CAMK2D: variants seen among roughly 807,000 people sequenced by gnomAD.
The protein encoded by CAMK2D is calcium/calmodulin dependent protein kinase II delta, also known as calcium/calmodulin-dependent protein kinase type II subunit delta.
CAMK2D carries 37 observed loss-of-function variants against 84.0 expected under a neutral mutation model. The observed-to-expected ratio is 0.44, with a 90% confidence interval of 0.34 to 0.58. CAMK2D has a LOEUF of 0.58. CAMK2D is among the 20% of genes least tolerant of loss of function. CAMK2D has a pLI of 0.02. For synonymous variants in CAMK2D, 202 were observed against 212.5 expected (o/e 0.95, Z 0.43); for missense variants, 448 against 652.5 (o/e 0.69, Z 3.41).
chr4:113,584,405 T>C (rs2098824580), intron 4 of CAMK2D, among the ~76,000 whole-genome samples: 1 of 152,200 alleles, frequency 6.6e-6, no homozygotes, highest in South Asian at 2.1e-4. Flanking sequence ...GCTTCTCTCT[T>C]CACCCCGATG....
intron 2 of CAMK2D, among the ~76,000 whole-genome samples, chr4:113,710,625 G>A (rs1470583086): frequency 6.6e-6 from 1 of 152,154 alleles, no homozygotes; most frequent in Non-Finnish European, 1.5e-5. Context: ...TTAAATTTTA[G>A]ACAAGTCTTA....
intron 4 of CAMK2D, among the ~76,000 whole-genome samples, chr4:113,555,251 A>T (rs1416935105): frequency 6.6e-6 from 1 of 152,190 alleles, no homozygotes; most frequent in African/African-American, 2.4e-5. Context: ...TGCCACATTA[A>T]CCCAAGGAAT....
At chr4:113,699,248 G>T (rs1242903606) in intron 2 of CAMK2D, among the ~76,000 whole-genome samples, 1 of 151,992 alleles carries the variant, frequency 6.6e-6, no homozygotes, top group Non-Finnish European at 1.5e-5. Flanking sequence ...ATGAAAAATG[G>T]CTACTTTGGT....
Position 113,538,272 on chromosome 4 carries a change from G to A in CAMK2D, c.415-829C>T, listed in dbSNP as rs2098506824. On this transcript the variant is annotated intron_variant, in intron 6 of 20. Coordinates refer to ENST00000511664, the MANE Select transcript of CAMK2D (RefSeq NM_001321571.2). Reference sequence around the variant, plus strand: ...GGAATAAGGCTGTGTCTATACCACTGTTTCCCAACCAATGCATCAAGACAC... The same window carrying A: ...GGAATAAGGCTGTGTCTATACCACTATTTCCCAACCAATGCATCAAGACAC... Among the ~76,000 whole-genome samples, 3 of 152,126 alleles carry A rather than the reference G, an allele frequency of 2.0e-5. No individual in the cohort carries two copies. The South Asian group carries it at 6.2e-4, about 32-fold the overall frequency.
At chr4:113,701,710 GTTGTT>G (rs1049271820) in intron 2 of CAMK2D, among the ~76,000 whole-genome samples, 5 of 151,998 alleles carry the variant, frequency 3.3e-5, no homozygotes, top group Admixed American at 2.0e-4. Context: ...TGTTGTTGTT[GTTGTT>G]TTGTTTTTTT....
chr4:113,462,276 GTGTGTGTGTGTGTGTGTGTCTGTCTGTC>G, intron 17 of CAMK2D, among the ~76,000 whole-genome samples: 1 of 66,886 alleles, frequency 1.5e-5, no homozygotes, highest in Middle Eastern at 7.8e-3. Flanking sequence ...ATGTGTGTGT[GTGTGTGTGTGTGTGTGTGTCTGTCTGTC>G]TGTCTGTCTG....
chr4:113,513,917 GA>G lies in CAMK2D; in HGVS notation c.820-5del. The stretch of plus-strand genomic sequence containing the variant: ...TGGAAGCAACAGTAGAACGTTGCTA[GA>G]AGAAGAGGAGAAAAAGTAACTTAAT... On this transcript the variant is annotated splice_polypyrimidine_tract_variant and splice_region_variant and intron_variant, in intron 10 of 20. Coordinates refer to ENST00000511664, the MANE Select transcript of CAMK2D (RefSeq NM_001321571.2). 6.8e-7 allele frequency: 1 copy of G among 1,468,454 alleles called. No individual in the cohort carries two copies. Among genetic ancestry groups the G allele is most frequent in the Non-Finnish European group, 9.4e-7 (1 of 1,058,518 alleles). 91.0% of individuals were successfully genotyped at this position (1,468,454 alleles called of 1,614,324 possible).
intron 2 of CAMK2D, among the ~76,000 whole-genome samples, chr4:113,750,547 G>A (rs190684305): frequency 6.6e-6 from 1 of 152,148 alleles, no homozygotes; most frequent in East Asian, 1.9e-4. Context: ...CACACTCATA[G>A]GCCAGGAAAT....
Position 113,519,492 on chromosome 4 carries a change from A to T in CAMK2D, c.602-1835T>A, listed in dbSNP as rs76712857. Among the ~76,000 whole-genome samples the T allele has an allele frequency of 9.3e-4, 140 of 150,816 alleles. No homozygotes were observed. In the East Asian group the frequency reaches 0.021, roughly 23 times the overall value. ...AAATAATAGCATAAATGTGAAGATTAAAAAAAACACTTTTAGGCCCAAAGA... is the reference window on the plus strand; with the variant it reads ...AAATAATAGCATAAATGTGAAGATTTAAAAAAACACTTTTAGGCCCAAAGA... On this transcript the variant is annotated intron_variant, in intron 8 of 20. Transcript: ENST00000511664.
chr4:113,602,978 G>A (rs2098959709), intron 4 of CAMK2D, among the ~76,000 whole-genome samples: 1 of 152,072 alleles, frequency 6.6e-6, no homozygotes, highest in Admixed American at 6.5e-5. Context: ...TGCCTTATCT[G>A]CTTAAGGCTG....
At chr4:113,463,568 G>T (rs1248407521) in intron 17 of CAMK2D, among the ~76,000 whole-genome samples, 1 of 152,114 alleles carries the variant, frequency 6.6e-6, no homozygotes, top group African/African-American at 2.4e-5. Context: ...TAGAGATGGG[G>T]TTTCTCCATG....
chr4:113,575,146 T>G (rs577340684), intron 4 of CAMK2D, among the ~76,000 whole-genome samples: 4 of 152,314 alleles, frequency 2.6e-5, no homozygotes, highest in Admixed American at 2.6e-4. Flanking sequence ...GGGTTTATTC[T>G]ACTCATTTGC....
intron 6 of CAMK2D, among the ~76,000 whole-genome samples, chr4:113,539,510 G>C (rs2098515658): frequency 6.6e-6 from 1 of 152,172 alleles, no homozygotes; most frequent in African/African-American, 2.4e-5. Context: ...TGTTGGGCAG[G>C]GCTTGTGTGC....
intron 3 of CAMK2D, among the ~76,000 whole-genome samples, chr4:113,630,850 T>G (rs2099086819): frequency 6.6e-6 from 1 of 152,144 alleles, no homozygotes; most frequent in Non-Finnish European, 1.5e-5. Context: ...GACTAGAAAT[T>G]TGACTTCTGA....
intron 2 of CAMK2D, among the ~76,000 whole-genome samples, chr4:113,713,035 T>C (rs1264736977): frequency 6.6e-6 from 1 of 152,070 alleles, no homozygotes; most frequent in Non-Finnish European, 1.5e-5. Flanking sequence ...AGATTAACCA[T>C]GTTGATATAA....
At position 113,601,683 on chromosome 4, in the gene CAMK2D, C is replaced by CTTTTTTTTTTTTTTTTTTTTTTTTTT. The variant is rs755850795; in HGVS notation, c.275+7443_275+7468dup. Reference sequence around the variant, plus strand: ...ATTTTATGTAGATTAACTGTTTATTCTTTTTTTTTTTTTTTTTTTTTTTTT... The same window carrying CTTTTTTTTTTTTTTTTTTTTTTTTTT: ...ATTTTATGTAGATTAACTGTTTATTCTTTTTTTTTTTTTTTTTTTTTTTTTTTTTTTTTTTTTTTTTTTTTTTTTTT... On this transcript the variant is annotated intron_variant, in intron 4 of 20. Coordinates refer to ENST00000511664, the MANE Select transcript of CAMK2D (RefSeq NM_001321571.2). Among the ~76,000 whole-genome samples the CTTTTTTTTTTTTTTTTTTTTTTTTTT allele has an allele frequency of 2.2e-4, 10 of 45,818 alleles. 1 individual carries two copies. The highest frequency in any genetic ancestry group is 2.7e-4 in the Non-Finnish European group (7 of 25,524). 30.1% of individuals were successfully genotyped at this position (45,818 alleles called of 152,430 possible).
rs181161650 is a variant in CAMK2D, at chr4:113,554,857, T to C, written c.276-2761A>G. Among the ~76,000 whole-genome samples, 173 of 152,232 alleles carry C rather than the reference T, an allele frequency of 1.1e-3. 1 individual carries two copies. The highest frequency in any genetic ancestry group is 2.0e-3 in the Non-Finnish European group (139 of 68,008). On this transcript the variant is annotated intron_variant, in intron 4 of 20. Transcript: ENST00000511664. ...ACTAATTAGAGATTTTGTGAATAAA[T>C]TGATGTCAGAGTTCTACTATGATAT...
rs397995032 is a variant in CAMK2D at position 113,709,746 on chromosome 4, GATATATATATATATATATAT to G, written c.161-47994_161-47975del. Among the ~76,000 whole-genome samples the G allele has an allele frequency of 5.8e-3, 288 of 49,804 alleles. 14 individuals are homozygous for G. The highest frequency in any genetic ancestry group is 0.029 in the African/African-American group (260 of 8,928). The allele number at this position is 49,804 out of a possible 152,430, so 32.7% of individuals were successfully genotyped here. ...GAGTGAAAAGCTAAAAGCCGTGAAC[GATATATATATATATATATAT>G]ATATATATATATATATGAGAGACTT... On this transcript the variant is annotated intron_variant, in intron 2 of 20. Transcript: ENST00000511664.
At chr4:113,558,541 T>A (rs1428916714) in intron 4 of CAMK2D, among the ~76,000 whole-genome samples, 2 of 148,412 alleles carry the variant, frequency 1.3e-5, no homozygotes, top group African/African-American at 2.6e-5. Flanking sequence ...TATAGGCAAA[T>A]ACAGTATTAT....
Sources: allele counts gnomAD v4.1 joint callset (sites outside exome capture counted in the v4.1 genomes callset), GRCh38; gene constraint gnomAD v4.1.1; transcripts MANE v1.5; gene names NCBI Gene and HGNC (gene_info 2026-07-23, HGNC 2026-07-21).